Variants in CNTNAP2 observed in about 807,000 individuals in gnomAD.
The protein encoded by CNTNAP2 is contactin associated protein 2.
Under a neutral mutation model 155.2 loss-of-function variants are expected in CNTNAP2, and 98 were observed. The observed-to-expected ratio is 0.63, with a 90% CI of 0.54 to 0.75. The LOEUF (loss-of-function observed/expected upper bound fraction) is 0.75. CNTNAP2 is among the 30% of genes least tolerant of loss of function. CNTNAP2 has a pLI of 0.00. For missense variants in CNTNAP2, 1,727 were observed against 1,688.1 expected, an observed-to-expected ratio of 1.02 and a Z score of -0.40; for synonymous variants, 651 against 631.2, an observed-to-expected ratio of 1.03 and a Z score of -0.47.
intron 15 of CNTNAP2, among the ~76,000 whole-genome samples, chr7:148,104,311 C>A (rs1804164511): frequency 6.6e-6 from 1 of 152,204 alleles, no homozygotes; most frequent in Non-Finnish European, 1.5e-5. Context: ...ATCATATCAA[C>A]CCATTACCCT....
At chr7:147,668,276 G>C (rs74420967) in intron 13 of CNTNAP2, among the ~76,000 whole-genome samples, 6,148 of 152,254 alleles carry the variant, frequency 0.04, 139 homozygotes, top group Middle Eastern at 0.13. Flanking sequence ...AAAACTGAAT[G>C]GTTCGTTCAT....
chr7:147,169,344 A>G (rs931703301), intron 8 of CNTNAP2, among the ~76,000 whole-genome samples: 4 of 152,186 alleles, frequency 2.6e-5, no homozygotes, highest in African/African-American at 9.7e-5. Context: ...GAAATATTGC[A>G]TGATGCTGAG....
At chr7:148,132,969 A>G (rs956754583) in intron 16 of CNTNAP2, among the ~76,000 whole-genome samples, 1 of 152,244 alleles carries the variant, frequency 6.6e-6, no homozygotes, top group Non-Finnish European at 1.5e-5. Flanking sequence ...TATTGAAAAT[A>G]GAGTAAAACC....
At chr7:147,630,709 T>G (rs1207524810) in intron 12 of CNTNAP2, among the ~76,000 whole-genome samples, 2 of 151,990 alleles carry the variant, frequency 1.3e-5, no homozygotes, top group African/African-American at 4.8e-5. Flanking sequence ...ATAAAATAAT[T>G]AACAACAGAA....
rs533953544 is a variant in CNTNAP2 at position 148,264,600 on chromosome 7, C to T, written c.3382-2433C>T. ...TATTATTAGCAGGCAACTTTTTTTC[C>T]GGCAAATCTGTGTTTTTCTATAATG... On this transcript the variant is annotated intron_variant, in intron 20 of 23. Transcript: ENST00000361727. Among the ~76,000 whole-genome samples, 15 of 152,082 alleles carry T rather than the reference C, an allele frequency of 9.9e-5. No homozygotes were observed. The South Asian group carries it at 1.0e-3, about 11-fold the overall frequency.
chr7:146,487,293 A>T (rs1381614414), intron 1 of CNTNAP2, among the ~76,000 whole-genome samples: 1 of 152,220 alleles, frequency 6.6e-6, no homozygotes, highest in African/African-American at 2.4e-5. Flanking sequence ...TCTGACAAGC[A>T]TGTCTGGATT....
At position 147,241,431 on chromosome 7, in the gene CNTNAP2, C is replaced by A. The variant is rs113453277; in HGVS notation, c.1349-58710C>A. Among the ~76,000 whole-genome samples the A allele has an allele frequency of 8.8e-3, 1,334 of 151,994 alleles. 19 individuals carry two copies. Among genetic ancestry groups the A allele is most frequent in the African/African-American group, 0.031 (1,285 of 41,446 alleles). ...TCAGTTGAGGTCAGGAGTTCCAGAC[C>A]AGCCTGGCCAAGATGGTGAAACCTC... On this transcript the variant is annotated intron_variant, in intron 8 of 23. Coordinates refer to ENST00000361727, the MANE Select transcript of CNTNAP2 (RefSeq NM_014141.6).
chr7:147,975,083 A>C (rs1463169158), intron 14 of CNTNAP2, among the ~76,000 whole-genome samples: 4 of 151,338 alleles, frequency 2.6e-5, no homozygotes, highest in African/African-American at 9.7e-5. Flanking sequence ...TGTATAATAC[A>C]ATTTTTTGTA....
chr7:146,431,967 C>G (rs1724504), intron 1 of CNTNAP2, among the ~76,000 whole-genome samples: 4,099 of 152,152 alleles, frequency 0.027, 196 homozygotes, highest in African/African-American at 0.093. Flanking sequence ...ACAGAAAAAA[C>G]ATAAATGCTC....
At chr7:146,706,692 C>T (rs1800971240) in intron 1 of CNTNAP2, among the ~76,000 whole-genome samples, 1 of 152,028 alleles carries the variant, frequency 6.6e-6, no homozygotes, top group Non-Finnish European at 1.5e-5. Context: ...CGCATGTTCT[C>T]ACTTATAAGT....
At chr7:147,816,406 T>G (rs1798267170) in intron 13 of CNTNAP2, among the ~76,000 whole-genome samples, 1 of 151,960 alleles carries the variant, frequency 6.6e-6, no homozygotes, top group Non-Finnish European at 1.5e-5. Flanking sequence ...ATTTTTCAAT[T>G]ATTAATTTTT....
chr7:146,543,380 C>T (rs1195919057), intron 1 of CNTNAP2, among the ~76,000 whole-genome samples: 1 of 151,738 alleles, frequency 6.6e-6, no homozygotes, highest in East Asian at 1.9e-4. Flanking sequence ...AAGGTATACC[C>T]CATACCCAAG....
intron 21 of CNTNAP2, among the ~76,000 whole-genome samples, chr7:148,289,581 TCACACACA>T (rs55906004): frequency 4.6e-5 from 7 of 151,126 alleles, no homozygotes; most frequent in Admixed American, 6.6e-5. Flanking sequence ...ACACTCACAC[TCACACACA>T]CACACACACA....
intron 3 of CNTNAP2, among the ~76,000 whole-genome samples, chr7:147,027,101 T>G: frequency 6.6e-6 from 1 of 152,016 alleles, no homozygotes; most frequent in Non-Finnish European, 1.5e-5. Flanking sequence ...ATCTTCAATG[T>G]GTGCTCTATT....
intron 12 of CNTNAP2, among the ~76,000 whole-genome samples, chr7:147,616,905 T>C (rs770949317): frequency 2.6e-5 from 4 of 152,058 alleles, no homozygotes; most frequent in Non-Finnish European, 4.4e-5. Context: ...TGTTCTTGAG[T>C]TTGAAGAAAT....
chr7:146,130,411 A>G (rs960735338), intron 1 of CNTNAP2, among the ~76,000 whole-genome samples: 2 of 152,238 alleles, frequency 1.3e-5, no homozygotes, highest in South Asian at 2.1e-4. Context: ...TCAAAGCTAC[A>G]GTGAATAATG....
chr7:146,514,938 C>T (rs563490260), intron 1 of CNTNAP2, among the ~76,000 whole-genome samples: 7 of 152,122 alleles, frequency 4.6e-5, no homozygotes, highest in African/African-American at 1.4e-4. Flanking sequence ...TACATGTCAC[C>T]TCAATCCTAG....
intron 1 of CNTNAP2, among the ~76,000 whole-genome samples, chr7:146,235,904 T>A (rs984585327): frequency 1.3e-5 from 2 of 152,072 alleles, no homozygotes; most frequent in Non-Finnish European, 2.9e-5. Context: ...AATTATGGAC[T>A]TATATTAATT....
Position 146,460,570 on chromosome 7 carries a change from A to G in CNTNAP2, c.98-313701A>G, listed in dbSNP as rs558040897. ...AATGGATAAATAAATTGTATGATAT[A>G]TATGTATATATACTACAACATACAC... On this transcript the variant is annotated intron_variant, in intron 1 of 23. Coordinates refer to ENST00000361727, the MANE Select transcript of CNTNAP2 (RefSeq NM_014141.6). 5.3e-5 allele frequency among the ~76,000 whole-genome samples: 8 copies of G among 152,334 alleles called. No homozygotes were observed. The East Asian group carries it at 1.4e-3, about 26-fold the overall frequency.
Sources: allele counts gnomAD v4.1 joint callset (sites outside exome capture counted in the v4.1 genomes callset), GRCh38; gene constraint gnomAD v4.1.1; transcripts MANE v1.5; gene names NCBI Gene and HGNC (gene_info 2026-07-23, HGNC 2026-07-21).